TDP1: variants seen among roughly 807,000 people sequenced by gnomAD.
The protein encoded by TDP1 is tyrosyl-DNA phosphodiesterase 1, also known as tyr-DNA phosphodiesterase 1.
Under a neutral mutation model 81.5 loss-of-function variants are expected in TDP1, and 64 were observed. The ratio of observed to expected loss-of-function variants is 0.79; its 90% confidence interval spans 0.64 to 0.97. The LOEUF is 0.97. TDP1 is among the 50% of genes least tolerant of loss of function. The pLI is 0.00. For missense variants in TDP1, 723 were observed against 743.8 expected (o/e 0.97, Z 0.33); for synonymous variants, 256 against 264.3 (o/e 0.97, Z 0.30).
intron 15 of TDP1, among the ~76,000 whole-genome samples, chr14:90,026,241 C>G (rs1318965624): frequency 6.6e-6 from 1 of 152,254 alleles, no homozygotes; most frequent in African/African-American, 2.4e-5. Context: ...TGTCTTCTTC[C>G]TCCTGACACC....
intron 6 of TDP1, 198 bp from the exon 7 acceptor site, chr14:89,975,581 GTT>G (rs35133244): frequency 0.088 from 23,258 of 265,800 alleles, 597 homozygotes; most frequent in African/African-American, 0.21. Flanking sequence ...CAAAATTTGT[GTT>G]TTTTTTTTTT....
At chr14:90,034,786 A>G (rs1011172433) in intron 16 of TDP1, among the ~76,000 whole-genome samples, 1 of 152,224 alleles carries the variant, frequency 6.6e-6, no homozygotes, top group African/African-American at 2.4e-5. Flanking sequence ...AATTTTAATG[A>G]CATCACTCAT....
At chr14:89,963,808 C>A (rs1318885073) in intron 3 of TDP1, 135 bp downstream of exon 3, 1 of 1,000,066 alleles carries the variant, frequency 1.0e-6, no homozygotes, top group Admixed American at 2.0e-5. Context: ...GAAAAAAATT[C>A]TTGACAGGCA....
rs1420281292 is a variant in TDP1, at chr14:90,043,948, C to G, written c.*805C>G. The stretch of plus-strand genomic sequence containing the variant: ...CTCTCTCAGCTTTCTGAGTACGTCT[C>G]TTGGGGTCGCTGGAGGTGATCCTAG... On this transcript the variant is annotated 3_prime_UTR_variant, in exon 17 of 17. Transcript: ENST00000335725. The G allele has an allele frequency of 6.6e-6, 1 of 152,284 alleles. No individual in the cohort carries two copies. The highest frequency in any genetic ancestry group is 1.5e-5 in the Non-Finnish European group (1 of 68,122). 9.4% of individuals were successfully genotyped at this position (152,284 alleles called of 1,614,324 possible).
Position 89,963,673 on chromosome 14 carries a change from G to A in TDP1, c.559G>A (p.Asp187Asn). ...TAACTCTGGAGCCCTCCACATCAAG[G>A]GTAAGAGGATGCTGGGTGTCAAGGA... ...KYNSGALHIKDILSPLFGTLV... is the reference protein window; with the variant it reads ...KYNSGALHIKNILSPLFGTLV... The change falls in exon 3 of 17, where the codon GAT becomes AAT. Residue 187 changes from aspartate to asparagine, a missense_variant and splice_region_variant. Physicochemically the swap from Asp to Asn is conservative, Grantham distance 23. Coordinates refer to ENST00000335725, the MANE Select transcript of TDP1 (RefSeq NM_018319.4). The A allele has an allele frequency of 6.2e-7, 1 of 1,613,928 alleles. No homozygotes were observed.
intron 14 of TDP1, among the ~76,000 whole-genome samples, chr14:89,998,960 T>C (rs768236134): frequency 1.3e-5 from 2 of 152,204 alleles, no homozygotes; most frequent in African/African-American, 4.8e-5. Flanking sequence ...ATGAATGTTA[T>C]AATTTGAATT....
chr14:90,012,491 G>T (rs183789745), intron 14 of TDP1, among the ~76,000 whole-genome samples: 16 of 150,744 alleles, frequency 1.1e-4, no homozygotes, highest in Admixed American at 9.3e-4. Flanking sequence ...CTCGTCCCTG[G>T]AGCAAACTTT....
intron 16 of TDP1, among the ~76,000 whole-genome samples, chr14:90,034,531 A>T (rs1887628985): frequency 1.3e-5 from 2 of 152,236 alleles, no homozygotes; most frequent in Non-Finnish European, 2.9e-5. Context: ...TCCCAGCCTC[A>T]CAGGCTGCTC....
rs577174722 is a variant in TDP1 at position 89,958,457 on chromosome 14, C to A, written c.-8+1657C>A. The A allele has an allele frequency of 2.0e-5, 3 of 152,382 alleles. No individual in the cohort carries two copies. In the East Asian group the frequency reaches 5.8e-4, roughly 29 times the overall value. The allele number at this position is 152,382 out of a possible 1,614,324, so 9.4% of individuals were successfully genotyped here. On this transcript the variant is annotated intron_variant, in intron 2 of 16. Coordinates refer to ENST00000335725, the MANE Select transcript of TDP1 (RefSeq NM_018319.4). ...AGAGACGGGACCCCAAGTGGATGGC[C>A]CCTGCCCTGACCCCAAGGTGGGCAG...
At chr14:89,998,046 C>T (rs149425980) in intron 14 of TDP1, among the ~76,000 whole-genome samples, 1 of 152,090 alleles carries the variant, frequency 6.6e-6, no homozygotes, top group African/African-American at 2.4e-5. Flanking sequence ...TTTAGGTGCA[C>T]AATCCTTTAT....
intron 14 of TDP1, among the ~76,000 whole-genome samples, chr14:90,012,993 A>C (rs938771422): frequency 1.3e-5 from 2 of 152,218 alleles, no homozygotes; most frequent in Non-Finnish European, 2.9e-5. Flanking sequence ...TTGGACTTGC[A>C]TGGGGCCTGT....
intron 2 of TDP1, among the ~76,000 whole-genome samples, chr14:89,960,223 T>G (rs535718683): frequency 1.3e-5 from 2 of 152,314 alleles, no homozygotes; most frequent in South Asian, 4.1e-4. Flanking sequence ...TAAATACCCC[T>G]ATCCAGCAAC....
chr14:90,003,484 C>T (rs937731398), intron 14 of TDP1, among the ~76,000 whole-genome samples: 6 of 152,036 alleles, frequency 3.9e-5, no homozygotes, highest in African/African-American at 1.5e-4. Flanking sequence ...GATGGGCAGC[C>T]GGTTGTTAGG....
intron 10 of TDP1, chr14:89,988,598 TTGG>T: frequency 1.0e-6 from 1 of 981,050 alleles, no homozygotes. Flanking sequence ...ATATGACAAG[TTGG>T]TGGTTTATCT....
intron 15 of TDP1, among the ~76,000 whole-genome samples, chr14:90,022,114 G>C (rs35783564): frequency 0.039 from 5,982 of 152,294 alleles, 390 homozygotes; most frequent in African/African-American, 0.13. Flanking sequence ...GTTGGGCAGG[G>C]TGGTCATAGA....
rs1414798178 is a variant in TDP1, at chr14:90,035,782, GGACT to G, written c.1753+2577_1753+2580del. On this transcript the variant is annotated intron_variant, in intron 16 of 16. Transcript: ENST00000335725. ...TTCTCCTCCTCCCTGTTGGAAGTGG[GGACT>G]GACTGACTAGGCTTTATCTGCTGGG... 2.0e-5 allele frequency among the ~76,000 whole-genome samples: 3 copies of G among 149,066 alleles called. No homozygotes were observed. In the East Asian group the frequency reaches 5.8e-4, roughly 29 times the overall value.
At chr14:89,979,289 G>A (rs1055916636) in intron 7 of TDP1, among the ~76,000 whole-genome samples, 18 of 152,040 alleles carry the variant, frequency 1.2e-4, no homozygotes, top group African/African-American at 4.3e-4. Flanking sequence ...GAATGTACAG[G>A]TGAGAGTGTT....
intron 14 of TDP1, among the ~76,000 whole-genome samples, chr14:90,007,347 A>G (rs947708987): frequency 3.9e-5 from 6 of 152,134 alleles, no homozygotes; most frequent in Non-Finnish European, 7.4e-5. Flanking sequence ...CCAGCACTTT[A>G]GGAAGCCAAG....
intron 14 of TDP1, among the ~76,000 whole-genome samples, chr14:90,000,493 T>A (rs908467730): frequency 1.3e-5 from 2 of 152,164 alleles, no homozygotes; most frequent in African/African-American, 4.8e-5. Flanking sequence ...CAAGCAATTC[T>A]CCTGCCTCAG....
Sources: gnomAD v4.1 joint callset for allele counts (sites outside exome capture counted in the v4.1 genomes callset) on GRCh38, gnomAD v4.1.1 for gene constraint, MANE v1.5 for transcripts, NCBI Gene and HGNC (gene_info 2026-07-23, HGNC 2026-07-21) for gene names.